Variants in EBF1 observed in about 807,000 individuals in gnomAD.
EBF1 encodes the protein EBF transcription factor 1.
Under a neutral mutation model 68.4 loss-of-function variants are expected in EBF1, and 10 were observed. The ratio of observed to expected loss-of-function variants is 0.15; its 90% CI spans 0.09 to 0.25. The LOEUF is 0.25. Among genes scored for constraint, EBF1 ranks in the 10% least tolerant of loss-of-function variants. The pLI is 1.00. For synonymous variants in EBF1, 298 were observed against 299.8 expected (o/e 0.99, Z 0.06); for missense variants, 509 against 794.4 (o/e 0.64, Z 4.32).
chr5:158,957,344 C>T (rs1817339673), intron 6 of EBF1, among the ~76,000 whole-genome samples: 1 of 152,166 alleles, frequency 6.6e-6, no homozygotes, highest in Non-Finnish European at 1.5e-5. Flanking sequence ...GATTAAGTCA[C>T]ATAAGAAATG....
chr5:158,877,458 A>T (rs1481915334), intron 6 of EBF1, among the ~76,000 whole-genome samples: 1 of 152,198 alleles, frequency 6.6e-6, no homozygotes, highest in Non-Finnish European at 1.5e-5. Flanking sequence ...GCCAAGATCA[A>T]CACCATGAGT....
chr5:158,854,460 G>A (rs1793577049), intron 6 of EBF1, among the ~76,000 whole-genome samples: 1 of 152,210 alleles, frequency 6.6e-6, no homozygotes, highest in Non-Finnish European at 1.5e-5. Context: ...GTTGGGAAAA[G>A]CATCTGGTCC....
intron 6 of EBF1, among the ~76,000 whole-genome samples, chr5:158,950,334 C>T (rs1045334342): frequency 2.0e-5 from 3 of 152,120 alleles, no homozygotes; most frequent in Non-Finnish European, 2.9e-5. Flanking sequence ...AGTCAGTAGC[C>T]GATGAAGAAT....
At chr5:159,079,473 C>G (rs750933939) in intron 5 of EBF1, among the ~76,000 whole-genome samples, 1 of 152,166 alleles carries the variant, frequency 6.6e-6, no homozygotes, top group Non-Finnish European at 1.5e-5. Context: ...TCCAGGCCCT[C>G]AGCATGTACT....
At chr5:158,809,498 A>G (rs1782201972) in intron 8 of EBF1, among the ~76,000 whole-genome samples, 2 of 152,210 alleles carry the variant, frequency 1.3e-5, no homozygotes, top group Non-Finnish European at 2.9e-5. Flanking sequence ...TCCCCAAGAT[A>G]GAGGGTGGAT....
At chr5:159,099,294 G>T in intron 1 of EBF1, 51 bp downstream of exon 1, 1 of 1,400,620 alleles carries the variant, frequency 7.1e-7, no homozygotes, top group Non-Finnish European at 9.3e-7. Flanking sequence ...TCCGCCTCCC[G>T]GCTCTCCCGC....
At chr5:158,743,486 C>CGT (rs1766882985) in intron 10 of EBF1, among the ~76,000 whole-genome samples, 1 of 152,052 alleles carries the variant, frequency 6.6e-6, no homozygotes, top group African/African-American at 2.4e-5. Flanking sequence ...TTTTCCAGAT[C>CGT]GTAGGAGCAA....
chr5:158,700,946 C>T (rs1382907868), intron 15 of EBF1, among the ~76,000 whole-genome samples: 1 of 152,082 alleles, frequency 6.6e-6, no homozygotes, highest in Non-Finnish European at 1.5e-5. Context: ...TTCAAGTGAG[C>T]CCTAGGTTTG....
Position 159,050,400 on chromosome 5 carries a change from C to A in EBF1, c.554+22996G>T, listed in dbSNP as rs147501250. ...CCTCCCACAAGGGACTGTCTCCCCT[C>A]CTGCCCAGGTGGCTTCTCCTACAAG... is the stretch of plus-strand genomic sequence containing the variant. On this transcript the variant is annotated intron_variant, in intron 6 of 15. Coordinates refer to ENST00000313708, the MANE Select transcript of EBF1 (RefSeq NM_024007.5). Among the ~76,000 whole-genome samples the A allele has an allele frequency of 2.0e-3, 304 of 152,304 alleles. 1 individual carries two copies. Among genetic ancestry groups the A allele is most frequent in the Middle Eastern group, 0.01 (3 of 294 alleles).
intron 10 of EBF1, among the ~76,000 whole-genome samples, chr5:158,765,326 A>G (rs1029548537): frequency 6.6e-5 from 10 of 152,226 alleles, no homozygotes; most frequent in African/African-American, 2.4e-4. Context: ...TACAAGCTCA[A>G]AGAGTCATCC....
At chr5:158,840,645 G>GTTTTTTTTTTTTTTTTTTTTT (rs534374216) in intron 6 of EBF1, among the ~76,000 whole-genome samples, 18 of 64,818 alleles carry the variant, frequency 2.8e-4, no homozygotes, top group South Asian at 1.6e-3. Context: ...AATACCTCCT[G>GTTTTTTTTTTTTTTTTTTTTT]TTTTTTTTTT....
chr5:158,828,242 T>C (rs1786648008), intron 7 of EBF1, among the ~76,000 whole-genome samples: 1 of 152,188 alleles, frequency 6.6e-6, no homozygotes, highest in Admixed American at 6.5e-5. Context: ...AAAAAGCCAG[T>C]AACCAGGGGA....
intron 6 of EBF1, among the ~76,000 whole-genome samples, chr5:158,980,695 T>C (rs1184923793): frequency 6.6e-6 from 1 of 152,204 alleles, no homozygotes; most frequent in Non-Finnish European, 1.5e-5. Context: ...CCCCTTTGAA[T>C]GTAGTTTGAA....
intron 6 of EBF1, among the ~76,000 whole-genome samples, chr5:158,883,576 C>T (rs751224987): frequency 6.6e-6 from 1 of 152,070 alleles, no homozygotes; most frequent in South Asian, 2.1e-4. Context: ...AGATGGTAGC[C>T]TTGAATCAGC....
At chr5:158,969,199 G>A (rs1754799954) in intron 6 of EBF1, among the ~76,000 whole-genome samples, 1 of 152,120 alleles carries the variant, frequency 6.6e-6, no homozygotes, top group Non-Finnish European at 1.5e-5. Context: ...CTACACAGGA[G>A]GTTGAGGCAT....
At chr5:158,848,395 C>T (rs912866162) in intron 6 of EBF1, among the ~76,000 whole-genome samples, 1 of 152,182 alleles carries the variant, frequency 6.6e-6, no homozygotes, top group African/African-American at 2.4e-5. Context: ...GAAATGCCAA[C>T]ACTTTCACTA....
At chr5:158,891,544 A>C (rs1424481317) in intron 6 of EBF1, among the ~76,000 whole-genome samples, 1 of 152,154 alleles carries the variant, frequency 6.6e-6, no homozygotes, top group Admixed American at 6.6e-5. Flanking sequence ...TCACTTTCCC[A>C]GGTCTCAACT....
intron 6 of EBF1, among the ~76,000 whole-genome samples, chr5:159,051,607 G>A (rs1346918228): frequency 2.6e-5 from 4 of 151,740 alleles, no homozygotes; most frequent in African/African-American, 4.8e-5. Flanking sequence ...GTGCTCCGCT[G>A]CCCACAGTGC....
chr5:159,089,653 A>G (rs545646272), intron 4 of EBF1, among the ~76,000 whole-genome samples: 1 of 151,874 alleles, frequency 6.6e-6, no homozygotes, highest in East Asian at 2.0e-4. Context: ...TGAAGAGAAT[A>G]CTTTTGACTT....
Sources: gnomAD v4.1 joint callset for allele counts (sites outside exome capture counted in the v4.1 genomes callset) on GRCh38, gnomAD v4.1.1 for gene constraint, MANE v1.5 for transcripts, NCBI Gene and HGNC (gene_info 2026-07-23, HGNC 2026-07-21) for gene names.